The following SHLD2 variants were observed in gnomAD, a reference collection of about 807,000 sequenced individuals.
SHLD2 encodes the protein RINN1-REV7-interacting novel NHEJ regulator 2.
A neutral mutation model predicts 73.2 loss-of-function variants in SHLD2; 30 were observed. That is an observed-to-expected ratio of 0.41 (90% CI 0.31 to 0.56). The LOEUF (loss-of-function observed/expected upper bound fraction) is 0.56, where lower values mean the gene tolerates loss of function less well. SHLD2 is among the 20% of genes least tolerant of loss of function. The pLI, the probability that SHLD2 is intolerant of heterozygous loss-of-function variation, is 0.28. For missense variants in SHLD2, 745 were observed against 1,055.9 expected, an observed-to-expected ratio of 0.71 and a Z score of 4.08; for synonymous variants, 285 against 370.1, an observed-to-expected ratio of 0.77 and a Z score of 2.64.
At chr10:87,186,488 G>C (rs963003050) in intron 8 of SHLD2, among the ~76,000 whole-genome samples, 2 of 152,186 alleles carry the variant, frequency 1.3e-5, no homozygotes, top group African/African-American at 4.8e-5. Context: ...TGTCCTTCCA[G>C]TGATTTATTA....
intron 2 of SHLD2, among the ~76,000 whole-genome samples, chr10:87,112,082 A>C (rs1457353302): frequency 6.6e-6 from 1 of 151,646 alleles, no homozygotes; most frequent in Non-Finnish European, 1.5e-5. Context: ...CTAAAAATAG[A>C]AAAAAATTAG....
intron 4 of SHLD2, among the ~76,000 whole-genome samples, chr10:87,159,842 T>A (rs1188283129): frequency 6.6e-6 from 1 of 152,168 alleles, no homozygotes; most frequent in Non-Finnish European, 1.5e-5. Context: ...TTTCAAGGCA[T>A]GTTAAGTTTT....
At chr10:87,144,523 GA>G (rs1326039620) in intron 2 of SHLD2, among the ~76,000 whole-genome samples, 1 of 150,606 alleles carries the variant, frequency 6.6e-6, no homozygotes, top group African/African-American at 2.4e-5. Context: ...TGTTTCTGAG[GA>G]AAAAAATCAT....
At chr10:87,137,579 A>G (rs972819819) in intron 2 of SHLD2, among the ~76,000 whole-genome samples, 5 of 152,166 alleles carry the variant, frequency 3.3e-5, no homozygotes, top group Non-Finnish European at 5.9e-5. Context: ...ATAATATCAG[A>G]TGGTCTAACA....
intron 3 of SHLD2, 141 bp downstream of exon 3, chr10:87,153,020 C>G (rs1846126361): frequency 5.0e-6 from 4 of 796,288 alleles, no homozygotes; most frequent in Non-Finnish European, 7.9e-6. Context: ...TTTATCGCAT[C>G]TGCATTGTTC....
rs1328322100 is a variant in SHLD2 at position 87,187,085 on chromosome 10, G to A, written c.2400G>A (p.Arg800=). Residue 800 remains arginine, a splice_region_variant and synonymous_variant, in exon 9 of 10, where the codon AGG becomes AGA. Coordinates refer to ENST00000298786, the MANE Select transcript of SHLD2 (RefSeq NM_001330112.2). ...LPFTMKKIYY[R]PALMTAIDGR... ...TCGTGTGTTGTTTACTCTTTTGTAG[G>A]CCAGCGTTAATGACTGCCATTGATG... The A allele has an allele frequency of 2.5e-6, 4 of 1,594,438 alleles. No homozygotes were observed. The highest frequency in any genetic ancestry group is 1.3e-5 in the African/African-American group (1 of 74,534).
chr10:87,151,436 T>G lies in SHLD2; in HGVS notation c.82T>G (p.Ser28Ala). 6.2e-7 allele frequency: 1 copy of G among 1,608,946 alleles called. No homozygotes were observed. Among genetic ancestry groups the G allele is most frequent in the Non-Finnish European group, 8.5e-7 (1 of 1,178,952 alleles). Residue 28 changes from serine (S) to alanine (A), a missense_variant, in exon 3 of 10, where the codon TCT becomes GCT. Around this residue, in one of 5 missense-constraint regions of SHLD2, gnomAD observed 280 missense variants for 353.9 expected, o/e 0.79. Coordinates refer to ENST00000298786, the MANE Select transcript of SHLD2 (RefSeq NM_001330112.2). ...LKITVSEDTA[S>A]LMSVADPWKK... ...AATCACAGTATCAGAAGACACAGCT[T>G]CTTTAATGTCTGTTGCTGACCCCTG...
intron 2 of SHLD2, among the ~76,000 whole-genome samples, chr10:87,133,255 T>C (rs890543667): frequency 6.6e-5 from 10 of 152,172 alleles, no homozygotes; most frequent in Admixed American, 1.3e-4. Context: ...CCGTGCCCAA[T>C]TGGTTTCTTT....
chr10:87,171,337 A>G (rs1454477236), intron 6 of SHLD2, among the ~76,000 whole-genome samples: 1 of 152,210 alleles, frequency 6.6e-6, no homozygotes, highest in African/African-American at 2.4e-5. Context: ...TGCTATGGTT[A>G]TAAGGCAGAT....
chr10:87,095,183 T>TCGGGGCGGGG (rs1841721008), upstream of SHLD2: 1 of 21,700 alleles, frequency 4.6e-5, no homozygotes, highest in African/African-American at 1.9e-4. Flanking sequence ...TCGGGGCGGG[T>TCGGGGCGGGG]CGGGGCGGGC....
chr10:87,115,600 G>GGTTGTC (rs1165238077), intron 2 of SHLD2: 4 of 152,054 alleles, frequency 2.6e-5, no homozygotes, highest in Admixed American at 2.6e-4. Flanking sequence ...AAAACGTTCA[G>GGTTGTC]ATTGTCATGG....
At chr10:87,100,263 T>C (rs1402054475) in intron 2 of SHLD2, among the ~76,000 whole-genome samples, 2 of 152,196 alleles carry the variant, frequency 1.3e-5, no homozygotes, top group Non-Finnish European at 2.9e-5. Context: ...TTTTTATCCA[T>C]TTTGTGTTAC....
At chr10:87,114,526 A>G (rs1238635583) in intron 2 of SHLD2, 1 of 152,168 alleles carries the variant, frequency 6.6e-6, no homozygotes, top group East Asian at 1.9e-4. Context: ...GGAGTTCGAG[A>G]CCAGCCTGGC....
chr10:87,121,978 T>C (rs1242101217), intron 2 of SHLD2, among the ~76,000 whole-genome samples: 3 of 151,988 alleles, frequency 2.0e-5, no homozygotes, highest in East Asian at 1.9e-4. Flanking sequence ...TTGGCCAGGC[T>C]GGTCTTGAAC....
chr10:87,147,072 G>GAAAAAAAACAAACAAACAA (rs1564596468), intron 2 of SHLD2, among the ~76,000 whole-genome samples: 4 of 95,364 alleles, frequency 4.2e-5, no homozygotes, highest in South Asian at 4.1e-4. Context: ...AAAAAAAAAA[G>GAAAAAAAACAAACAAACAA]AAAAAAAAAA....
intron 2 of SHLD2, among the ~76,000 whole-genome samples, chr10:87,114,786 C>CTATA (rs1843142104): frequency 6.6e-6 from 1 of 151,976 alleles, no homozygotes; most frequent in Non-Finnish European, 1.5e-5. Flanking sequence ...ATAACAATAG[C>CTATA]TATATTATGA....
chr10:87,153,366 A>G (rs1239216255), intron 3 of SHLD2, among the ~76,000 whole-genome samples: 2 of 152,198 alleles, frequency 1.3e-5, no homozygotes, highest in African/African-American at 4.8e-5. Context: ...TGATTGGGCC[A>G]CTGCACTCCA....
At chr10:87,095,914 G>C (rs1185595572) in intron 1 of SHLD2, among the ~76,000 whole-genome samples, 1 of 152,200 alleles carries the variant, frequency 6.6e-6, no homozygotes, top group Admixed American at 6.5e-5. Context: ...CTGGGCAACA[G>C]AGGGAGACCC....
intron 9 of SHLD2, among the ~76,000 whole-genome samples, chr10:87,189,065 G>A (rs61858947): frequency 1.4e-4 from 20 of 146,150 alleles, no homozygotes; most frequent in Admixed American, 2.1e-4. Flanking sequence ...GCTGTGGTGC[G>A]ATCTCAGTTC....
Sources: gnomAD v4.1 joint callset for allele counts (sites outside exome capture counted in the v4.1 genomes callset) on GRCh38, gnomAD v4.1.1 for gene constraint, gnomAD v4.1.1 regional missense constraint, MANE v1.5 for transcripts, NCBI Gene and HGNC (gene_info 2026-07-23, HGNC 2026-07-21) for gene names.